Variants in KCNT2 observed in about 807,000 individuals in gnomAD.
KCNT2 encodes potassium channel subfamily T member 2.
In KCNT2, 67 loss-of-function variants were observed where a neutral mutation model predicts 153.8. That is an observed-to-expected ratio of 0.44 (90% CI 0.36 to 0.53). The LOEUF is 0.53. KCNT2 is among the 20% of genes least tolerant of loss of function. KCNT2 has a pLI of 0.00. For missense variants in KCNT2, 975 were observed against 1,354.8 expected (o/e 0.72, Z 4.40); for synonymous variants, 500 against 458.8 (o/e 1.09, Z -1.15).
At chr1:196,483,130 G>A (rs902684820) in intron 3 of KCNT2, among the ~76,000 whole-genome samples, 4 of 152,132 alleles carry the variant, frequency 2.6e-5, no homozygotes, top group Non-Finnish European at 5.9e-5. Context: ...AGAGAGGCAG[G>A]TGAATGGTAG....
intron 21 of KCNT2, among the ~76,000 whole-genome samples, chr1:196,307,338 C>T (rs536738525): frequency 3.3e-5 from 5 of 152,166 alleles, no homozygotes; most frequent in African/African-American, 9.6e-5. Context: ...CTCTATACTA[C>T]GAAATCACTA....
intron 22 of KCNT2, among the ~76,000 whole-genome samples, chr1:196,289,756 A>C (rs1395524233): frequency 6.6e-6 from 1 of 152,136 alleles, no homozygotes; most frequent in Non-Finnish European, 1.5e-5. Context: ...ATAAACATAC[A>C]CTATGATTCC....
chr1:196,286,634 CACAT>C (rs1465757562), intron 22 of KCNT2, among the ~76,000 whole-genome samples: 12 of 130,670 alleles, frequency 9.2e-5, no homozygotes, highest in African/African-American at 2.6e-4. Context: ...CACACACACA[CACAT>C]ACACACACAC....
chr1:196,514,966 A>C (rs1283147228), intron 1 of KCNT2, among the ~76,000 whole-genome samples: 1 of 152,210 alleles, frequency 6.6e-6, no homozygotes, highest in Non-Finnish European at 1.5e-5. Context: ...CAAATGAAAC[A>C]AACCCACAAC....
chr1:196,595,734 G>A (rs1663978506), intron 1 of KCNT2, among the ~76,000 whole-genome samples: 1 of 151,816 alleles, frequency 6.6e-6, no homozygotes, highest in Admixed American at 6.6e-5. Flanking sequence ...GTGGTTTTTG[G>A]TTATGTGGAT....
chr1:196,226,456 T>C lies in KCNT2; in HGVS notation c.*1768A>G, dbSNP rs1398927889. 2 of 152,028 alleles carry C rather than the reference T, an allele frequency of 1.3e-5. No individual in the cohort carries two copies. Among genetic ancestry groups the C allele is most frequent in the Non-Finnish European group, 2.9e-5 (2 of 67,876 alleles). 9.4% of individuals were successfully genotyped at this position (152,028 alleles called of 1,614,324 possible). ...CACATATATGCATACAATCTTTAAG[T>C]TTTAAGGCATGCTCCCAATTTTAGC... is the stretch of plus-strand genomic sequence containing the variant. On this transcript the variant is annotated 3_prime_UTR_variant, in exon 28 of 28. Coordinates refer to ENST00000294725, the MANE Select transcript of KCNT2 (RefSeq NM_198503.5).
rs538400633 is a variant in KCNT2 at position 196,574,099 on chromosome 1, T to C, written c.95+34116A>G. On this transcript the variant is annotated intron_variant, in intron 1 of 27. Transcript: ENST00000294725. Reference sequence around the variant, plus strand: ...AGTTACATGGTCTTAATTAAATCATTTACTTTTTCTGAGAATCAATTATTA... The same window carrying C: ...AGTTACATGGTCTTAATTAAATCATCTACTTTTTCTGAGAATCAATTATTA... 1.1e-4 allele frequency among the ~76,000 whole-genome samples: 16 copies of C among 152,076 alleles called. No individual in the cohort carries two copies. The South Asian group carries it at 3.1e-3, about 30-fold the overall frequency.
At chr1:196,501,937 G>A (rs953831793) in intron 1 of KCNT2, among the ~76,000 whole-genome samples, 4 of 151,972 alleles carry the variant, frequency 2.6e-5, no homozygotes, top group Admixed American at 6.6e-5. Context: ...TGGGCAACAC[G>A]GTGAAACCTC....
rs1296736758 is a variant in KCNT2, at chr1:196,489,886, A to G, written c.227T>C (p.Leu76Ser). 1 of 1,593,450 alleles carries G rather than the reference A, an allele frequency of 6.3e-7. No homozygotes were observed. The highest frequency in any genetic ancestry group is 8.5e-7 in the Non-Finnish European group (1 of 1,170,324). ...TTCTAGTAGTACTCGGATTATGTATAATAAGCAGCTTAGTAATTTGAGAGA... is the reference window on the plus strand; with the variant it reads ...TTCTAGTAGTACTCGGATTATGTATGATAAGCAGCTTAGTAATTTGAGAGA... ...NFSLKLLSCL[L>S]YIIRVLLENP... Residue 76 changes from leucine (L) to serine (S), a missense_variant, in exon 3 of 28, where the codon TTA (leucine) becomes TCA (serine). Leu to Ser is a moderately radical substitution (Grantham distance 145, BLOSUM62 -2). Coordinates refer to ENST00000294725, the MANE Select transcript of KCNT2 (RefSeq NM_198503.5).
chr1:196,283,360 G>A (rs943459421), intron 23 of KCNT2, among the ~76,000 whole-genome samples: 6 of 152,088 alleles, frequency 3.9e-5, no homozygotes, highest in East Asian at 3.9e-4. Flanking sequence ...CGTGAACCCC[G>A]GGGGGCAGAG....
intron 2 of KCNT2, among the ~76,000 whole-genome samples, chr1:196,491,998 A>C (rs1679893651): frequency 6.6e-6 from 1 of 152,046 alleles, no homozygotes; most frequent in Non-Finnish European, 1.5e-5. Flanking sequence ...CAGATAGTCC[A>C]CTCAGAAGTC....
intron 21 of KCNT2, among the ~76,000 whole-genome samples, chr1:196,308,081 C>T (rs1487753934): frequency 6.6e-6 from 1 of 151,930 alleles, no homozygotes. Context: ...CTCATGCAGA[C>T]AACAAATCCC....
At chr1:196,499,158 G>C (rs965275049) in intron 1 of KCNT2, among the ~76,000 whole-genome samples, 9 of 152,124 alleles carry the variant, frequency 5.9e-5, no homozygotes, top group Non-Finnish European at 1.3e-4. Context: ...ACTAGAACCT[G>C]GAAAAGACAA....
In KCNT2 at chr1:196,280,472, A is replaced by G. The variant is rs74133654; in HGVS notation, c.2910+388T>C. ...TTGCTTTGCTTCCTTCAAAATGCTA[A>G]TATATGCAGTAGGGGTATACATTAG... is the stretch of plus-strand genomic sequence containing the variant. On this transcript the variant is annotated intron_variant, in intron 25 of 27. Coordinates refer to ENST00000294725, the MANE Select transcript of KCNT2 (RefSeq NM_198503.5). Among the ~76,000 whole-genome samples, 440 of 152,344 alleles carry G rather than the reference A, an allele frequency of 2.9e-3. 3 individuals carry two copies. Among genetic ancestry groups the G allele is most frequent in the African/African-American group, 0.01 (425 of 41,582 alleles).
At chr1:196,260,483 A>G (rs1251010009) in intron 25 of KCNT2, among the ~76,000 whole-genome samples, 1 of 151,796 alleles carries the variant, frequency 6.6e-6, no homozygotes, top group Non-Finnish European at 1.5e-5. Flanking sequence ...TATTTTGAAT[A>G]CCCCCAAGAG....
At chr1:196,457,867 A>G (rs979216196) in intron 8 of KCNT2, among the ~76,000 whole-genome samples, 1 of 151,926 alleles carries the variant, frequency 6.6e-6, no homozygotes, top group Non-Finnish European at 1.5e-5. Flanking sequence ...CCACCAGTTA[A>G]GTCATGGCCT....
intron 1 of KCNT2, among the ~76,000 whole-genome samples, chr1:196,507,359 C>A (rs573655504): frequency 2.6e-5 from 4 of 152,082 alleles, no homozygotes; most frequent in African/African-American, 9.7e-5. Context: ...CTGGACGTGG[C>A]TTTCTATTTT....
At chr1:196,325,250 A>G (rs1663726925) in intron 19 of KCNT2, among the ~76,000 whole-genome samples, 1 of 152,144 alleles carries the variant, frequency 6.6e-6, no homozygotes, top group African/African-American at 2.4e-5. Context: ...CTGTAAGCAC[A>G]GTTCCACTTT....
intron 23 of KCNT2, among the ~76,000 whole-genome samples, chr1:196,284,248 A>AAAAAATATATATATATATATATATAT: frequency 3.0e-4 from 3 of 10,050 alleles, no homozygotes; most frequent in African/African-American, 4.1e-4. Context: ...AAAAAAAAAA[A>AAAAAATATATATATATATATATATAT]ATATATATAT....
Sources: allele counts gnomAD v4.1 joint callset (sites outside exome capture counted in the v4.1 genomes callset), GRCh38; gene constraint gnomAD v4.1.1; transcripts MANE v1.5; gene names NCBI Gene and HGNC (gene_info 2026-07-23, HGNC 2026-07-21).